PFKFB3: variants seen among roughly 807,000 people sequenced by gnomAD.
PFKFB3 encodes 6-phosphofructo-2-kinase/fructose-2,6-bisphosphatase 3.
In PFKFB3, 33 loss-of-function variants were observed where a neutral mutation model predicts 68.0. The ratio of observed to expected loss-of-function variants is 0.49; its 90% CI spans 0.37 to 0.65. The LOEUF (loss-of-function observed/expected upper bound fraction) is 0.65. Among genes scored for constraint, PFKFB3 ranks in the 30% least tolerant of loss-of-function variants. PFKFB3 has a pLI of 0.00. For missense variants in PFKFB3, 586 were observed against 712.2 expected, an observed-to-expected ratio of 0.82 and a Z score of 2.02; for synonymous variants, 315 against 288.2, an observed-to-expected ratio of 1.09 and a Z score of -0.94.
the PFKFB3 span, among the ~76,000 whole-genome samples, chr10:6,284,616 A>G: frequency 6.6e-6 from 1 of 152,174 alleles, no homozygotes; most frequent in Non-Finnish European, 1.5e-5. Flanking sequence ...CATTTTAACT[A>G]TTTTAATGTG....
chr10:6,158,830 A>C (rs185246241), intron 1 of PFKFB3, among the ~76,000 whole-genome samples: 4 of 151,868 alleles, frequency 2.6e-5, no homozygotes, highest in Admixed American at 2.6e-4. Flanking sequence ...TCGCAGCGCC[A>C]CTGCTCTCTA....
intron 14 of PFKFB3, among the ~76,000 whole-genome samples, chr10:6,248,373 C>T (rs979397841): frequency 1.3e-4 from 20 of 151,938 alleles, no homozygotes; most frequent in African/African-American, 4.8e-4. Flanking sequence ...GCCTGTAATC[C>T]CAGCACTTTG....
the PFKFB3 span, among the ~76,000 whole-genome samples, chr10:6,313,634 G>C: frequency 6.6e-6 from 1 of 152,138 alleles, no homozygotes; most frequent in African/African-American, 2.4e-5. This position sits in a 1 kb window ranked among gnomAD's most constrained non-coding sequence, Gnocchi z 4.2. Flanking sequence ...TGCATTGGCT[G>C]TGCTGCGGTT....
chr10:6,216,234 C>T, intron 4 of PFKFB3, 43 bp downstream of exon 4: 1 of 1,562,324 alleles, frequency 6.4e-7, no homozygotes, highest in Non-Finnish European at 8.8e-7. Flanking sequence ...CAGTCCCACC[C>T]ATGAGGGTGT....
At chr10:6,255,456 C>T (rs761114612), downstream of PFKFB3, among the ~76,000 whole-genome samples, 2 of 152,136 alleles carry the variant, frequency 1.3e-5, no homozygotes, top group African/African-American at 2.4e-5. Context: ...CCCATGTAAG[C>T]GAAGCAAAAT....
At position 6,215,134 on chromosome 10, in the gene PFKFB3, C is replaced by T. The variant is rs1844476497; in HGVS notation, c.203-87C>T. The T allele has an allele frequency of 1.7e-6, 2 of 1,157,328 alleles. No homozygotes were observed. The highest frequency in any genetic ancestry group is 1.8e-5 in the Admixed American group (1 of 55,836). The allele number at this position is 1,157,328 out of a possible 1,614,324, so 71.7% of individuals were successfully genotyped here. On this transcript the variant is annotated intron_variant, in intron 2 of 14. Transcript: ENST00000379775. The surrounding 1 kb of genome is among the most constrained non-coding windows in gnomAD (Gnocchi z 4.3). ...AGTCGGTGTGGTTGGCCTGGTGGCT[C>T]TTCCTTTGGTCGATCCTATGGTCCC...
intron 1 of PFKFB3, among the ~76,000 whole-genome samples, chr10:6,156,975 C>A (rs888575509): frequency 6.6e-6 from 1 of 151,104 alleles, no homozygotes; most frequent in Non-Finnish European, 1.5e-5. Flanking sequence ...ACCTGTCATC[C>A]CAGCTACTTG....
In PFKFB3 at chr10:6,221,742, G is replaced by T. The variant is rs773944166; in HGVS notation, c.1080G>T (p.Gly360=). The T allele has an allele frequency of 6.3e-7, 1 of 1,593,090 alleles. No individual in the cohort carries two copies. The highest frequency in any genetic ancestry group is 8.5e-7 in the Non-Finnish European group (1 of 1,170,712). The change falls in exon 10 of 15, where the codon GGG becomes GGT. Residue 360 remains glycine (G), a synonymous_variant. Coordinates refer to ENST00000379775, the MANE Select transcript of PFKFB3 (RefSeq NM_004566.4). The stretch of plus-strand genomic sequence containing the variant: ...AGTACTATTACCGCTACCCCACCGG[G>T]GAGGTGAGCGCAGGCTGGGGCGGGC... The part of the protein sequence containing the change: ...QDKYYYRYPT[G]ESYQDLVQRL...
the PFKFB3 span, among the ~76,000 whole-genome samples, chr10:6,264,293 G>A: frequency 6.6e-6 from 1 of 152,168 alleles, no homozygotes; most frequent in Non-Finnish European, 1.5e-5. Context: ...ATCTTACTCT[G>A]TTCTTATTCA....
chr10:6,322,228 C>T, the PFKFB3 span, among the ~76,000 whole-genome samples: 2 of 152,200 alleles, frequency 1.3e-5, no homozygotes, highest in Non-Finnish European at 2.9e-5. Flanking sequence ...CCCCTTACTA[C>T]AGCCCCAGAC....
chr10:6,174,301 C>T (rs1417865559), intron 1 of PFKFB3, among the ~76,000 whole-genome samples: 6 of 152,204 alleles, frequency 3.9e-5, no homozygotes, highest in Admixed American at 6.5e-5. Flanking sequence ...TGACCTTTCC[C>T]GTCCAGCCTT....
chr10:6,308,162 T>C, the PFKFB3 span, among the ~76,000 whole-genome samples: 5 of 152,226 alleles, frequency 3.3e-5, no homozygotes, highest in Admixed American at 2.6e-4. Flanking sequence ...ATTGTTTGAT[T>C]TGGAAGCCAC....
chr10:6,251,215 C>T (rs1196447228), intron 14 of PFKFB3, among the ~76,000 whole-genome samples: 3 of 152,152 alleles, frequency 2.0e-5, no homozygotes, highest in Admixed American at 6.5e-5. Flanking sequence ...GAGTACCAGA[C>T]TGATATCTTT....
chr10:6,218,353 T>TG (rs1245067989), intron 6 of PFKFB3, among the ~76,000 whole-genome samples: 8 of 151,646 alleles, frequency 5.3e-5, no homozygotes, highest in Admixed American at 2.6e-4. Context: ...TTAGATTTTT[T>TG]TTTTAAATTG....
In PFKFB3 at chr10:6,232,989, T is replaced by A. The variant is rs765835251; in HGVS notation, c.*47T>A. ...CCATTTCCATTTCTGCAGCTTAGCT[T>A]GTGTCCTGCCCTCCGCCCGAGGCAA... On this transcript the variant is annotated 3_prime_UTR_variant, in exon 15 of 15. Coordinates refer to ENST00000379775, the MANE Select transcript of PFKFB3 (RefSeq NM_004566.4). 2.0e-6 allele frequency: 3 copies of A among 1,494,122 alleles called. No individual in the cohort carries two copies. The highest frequency in any genetic ancestry group is 1.9e-6 in the Non-Finnish European group (2 of 1,070,898). The allele number at this position is 1,494,122 out of a possible 1,614,324, so 92.6% of individuals were successfully genotyped here.
chr10:6,320,037 G>A, the PFKFB3 span, among the ~76,000 whole-genome samples: 6 of 151,672 alleles, frequency 4.0e-5, no homozygotes, highest in Admixed American at 2.0e-4. Flanking sequence ...TGTCTCCACC[G>A]AAAAAATACA....
the PFKFB3 span, among the ~76,000 whole-genome samples, chr10:6,263,234 C>T: frequency 6.6e-6 from 1 of 152,228 alleles, no homozygotes; most frequent in Admixed American, 6.5e-5. Context: ...ATAGGTTGGG[C>T]TAGTTAACTG....
chr10:6,243,595 G>T (rs1464071255), intron 14 of PFKFB3, among the ~76,000 whole-genome samples: 2 of 152,192 alleles, frequency 1.3e-5, no homozygotes, highest in Non-Finnish European at 2.9e-5. Context: ...TCCTTCTGGG[G>T]CCTGTTCTCT....
At chr10:6,150,188 T>C (rs757342677) in intron 1 of PFKFB3, among the ~76,000 whole-genome samples, 1 of 152,260 alleles carries the variant, frequency 6.6e-6, no homozygotes, top group African/African-American at 2.4e-5. Flanking sequence ...GCTTTCTGCA[T>C]GGTAACTTGG....
Sources: gnomAD v4.1 joint callset for allele counts (sites outside exome capture counted in the v4.1 genomes callset) on GRCh38, gnomAD v4.1.1 for gene constraint, Gnocchi (gnomAD v3.1) non-coding constraint, MANE v1.5 for transcripts, NCBI Gene and HGNC (gene_info 2026-07-23, HGNC 2026-07-21) for gene names.